The following GPATCH2L variants were observed in gnomAD, a reference collection of about 807,000 sequenced individuals.
GPATCH2L encodes G-patch domain containing 2 like, also known as G patch domain-containing protein 2-like.
A neutral mutation model predicts 57.4 loss-of-function variants in GPATCH2L; 31 were observed. The ratio of observed to expected loss-of-function variants is 0.54; its 90% CI spans 0.41 to 0.73. GPATCH2L has a LOEUF of 0.73. GPATCH2L is among the 30% of genes least tolerant of loss of function. The pLI is 0.00. For synonymous variants in GPATCH2L, 199 were observed against 210.7 expected, an observed-to-expected ratio of 0.94 and a Z score of 0.48; for missense variants, 481 against 599.9, an observed-to-expected ratio of 0.80 and a Z score of 2.07.
chr14:76,215,725 A>T (rs1462623861), downstream of GPATCH2L, among the ~76,000 whole-genome samples: 1 of 131,708 alleles, frequency 7.6e-6, no homozygotes, highest in East Asian at 2.3e-4. Flanking sequence ...ATGAGAACAC[A>T]TGGACACAGG....
Position 76,207,866 on chromosome 14 carries a change from G to T in GPATCH2L, c.*6015G>T, listed in dbSNP as rs1198897404. 6.6e-6 allele frequency: 1 copy of T among 151,998 alleles called. No individual in the cohort carries two copies. The highest frequency in any genetic ancestry group is 1.5e-5 in the Non-Finnish European group (1 of 68,014). 9.4% of individuals were successfully genotyped at this position (151,998 alleles called of 1,614,324 possible). Reference sequence around the variant, plus strand: ...TCTTCATATTTTACCTTTATTAATTGGGCTGGGTCCTAACTGGTTGCCAGA... The same window carrying T: ...TCTTCATATTTTACCTTTATTAATTTGGCTGGGTCCTAACTGGTTGCCAGA... On this transcript the variant is annotated 3_prime_UTR_variant, in exon 10 of 10. Coordinates refer to ENST00000261530, the MANE Select transcript of GPATCH2L (RefSeq NM_017926.4).
chr14:76,219,055 G>A (rs1403663092), downstream of GPATCH2L, among the ~76,000 whole-genome samples: 2 of 145,574 alleles, frequency 1.4e-5, no homozygotes, highest in African/African-American at 5.0e-5. Context: ...GACTGGGGAA[G>A]GCCTTTCTAA....
In GPATCH2L at chr14:76,212,981, G is replaced by A. The variant is rs2040458359; in HGVS notation, c.*11130G>A. 1 of 151,922 alleles carries A rather than the reference G, an allele frequency of 6.6e-6. No homozygotes were observed. Among genetic ancestry groups the A allele is most frequent in the African/African-American group, 2.4e-5 (1 of 41,368 alleles). 9.4% of individuals were successfully genotyped at this position (151,922 alleles called of 1,614,324 possible). A position where few individuals can be genotyped will look rare whatever the true frequency, so the allele number is the denominator to read the frequency against. ...CTAAAATATAAACTTGTTCCTCTGA[G>A]ATACAAATAAAACAGTGCTCAGAGG... On this transcript the variant is annotated 3_prime_UTR_variant, in exon 10 of 10. Transcript: ENST00000261530.
At chr14:76,180,389 A>G (rs1004905334) in intron 7 of GPATCH2L, among the ~76,000 whole-genome samples, 18 of 152,224 alleles carry the variant, frequency 1.2e-4, no homozygotes, top group African/African-American at 3.6e-4. Context: ...GGATAAGGAA[A>G]TGAAAAGGTA....
intron 8 of GPATCH2L, among the ~76,000 whole-genome samples, chr14:76,186,042 A>G (rs1460368593): frequency 1.3e-5 from 2 of 152,178 alleles, no homozygotes; most frequent in African/African-American, 4.8e-5. Flanking sequence ...CCAAAATGAA[A>G]TAATATATGT....
intron 9 of GPATCH2L, among the ~76,000 whole-genome samples, chr14:76,196,826 G>A (rs1461637664): frequency 6.6e-6 from 1 of 152,100 alleles, no homozygotes. Flanking sequence ...CACAGATGGG[G>A]AGGGAGCCCT....
chr14:76,159,383 G>A (rs1171166577), intron 2 of GPATCH2L, among the ~76,000 whole-genome samples: 1 of 152,102 alleles, frequency 6.6e-6, no homozygotes, highest in Non-Finnish European at 1.5e-5. Context: ...TTGTTCAAAG[G>A]CCTCTTGGTA....
chr14:76,172,441 ATAATT>A (rs964843027), intron 4 of GPATCH2L, among the ~76,000 whole-genome samples: 9 of 152,358 alleles, frequency 5.9e-5, no homozygotes, highest in African/African-American at 2.2e-4. Flanking sequence ...TGCTTTTAAA[ATAATT>A]TAAGTAGTTT....
At chr14:76,158,543 A>G (rs1290830894) in intron 2 of GPATCH2L, among the ~76,000 whole-genome samples, 1 of 152,226 alleles carries the variant, frequency 6.6e-6, no homozygotes, top group Non-Finnish European at 1.5e-5. Context: ...GGTGATCAAT[A>G]ACACTCTATA....
intron 2 of GPATCH2L, among the ~76,000 whole-genome samples, chr14:76,231,185 A>G (rs1328208371): frequency 6.6e-6 from 1 of 152,190 alleles, no homozygotes; most frequent in East Asian, 1.9e-4. Flanking sequence ...TGTTTTGTGT[A>G]TAGTATCAAC....
intron 1 of GPATCH2L, among the ~76,000 whole-genome samples, chr14:76,225,895 A>G (rs1426722601): frequency 2.6e-5 from 4 of 152,234 alleles, no homozygotes; most frequent in Admixed American, 6.5e-5. Context: ...TGAAATGCAA[A>G]TTAAAACCCA....
At position 76,154,606 on chromosome 14, in the gene GPATCH2L, G is replaced by A. The variant is rs1039657574; in HGVS notation, c.243G>A (p.Pro81=). 3.7e-6 allele frequency: 6 copies of A among 1,614,096 alleles called. No homozygotes were observed. The African/African-American group carries it at 4.0e-5, about 11-fold the overall frequency. Residue 81 remains proline (P), a synonymous_variant, in exon 2 of 10, where the codon CCG becomes CCA. Coordinates refer to ENST00000261530, the MANE Select transcript of GPATCH2L (RefSeq NM_017926.4). This position sits in a 1 kb window ranked among gnomAD's most constrained non-coding sequence, Gnocchi z 4.4. ...CTAAGGACTGTCGAGAAGTGGCTCC[G>A]GTGACCAATTTTAGTGACTCTGATG... The part of the protein sequence containing the change: ...EATKDCREVA[P]VTNFSDSDDT...
chr14:76,234,719 C>T (rs1481691330), intron 2 of GPATCH2L: 1 of 152,468 alleles, frequency 6.6e-6, no homozygotes, highest in African/African-American at 2.4e-5. Flanking sequence ...TCTGATGAGA[C>T]TGCAGCCCGA....
chr14:76,229,540 T>A (rs1479960335), intron 1 of GPATCH2L, among the ~76,000 whole-genome samples: 1 of 152,174 alleles, frequency 6.6e-6, no homozygotes, highest in South Asian at 2.1e-4. Context: ...TCCCTCCACA[T>A]GTTAATATGG....
intron 2 of GPATCH2L, among the ~76,000 whole-genome samples, chr14:76,159,236 A>G (rs765072267): frequency 7.9e-5 from 12 of 152,216 alleles, no homozygotes; most frequent in Non-Finnish European, 1.6e-4. Flanking sequence ...ACTTCCCACC[A>G]TTGTAATGTC....
intron 2 of GPATCH2L, among the ~76,000 whole-genome samples, chr14:76,233,381 G>T (rs1473217838): frequency 6.6e-6 from 1 of 152,144 alleles, no homozygotes; most frequent in Non-Finnish European, 1.5e-5. Flanking sequence ...CAAAGTGGTG[G>T]TTTCAAATGA....
rs1379618877 is a variant in GPATCH2L, at chr14:76,203,957, C to G, written c.*2106C>G. 1.3e-5 allele frequency: 2 copies of G among 152,132 alleles called. No homozygotes were observed. Among genetic ancestry groups the G allele is most frequent in the African/African-American group, 2.4e-5 (1 of 41,410 alleles). The allele number at this position is 152,132 out of a possible 1,614,324, so 9.4% of individuals were successfully genotyped here. On this transcript the variant is annotated 3_prime_UTR_variant, in exon 10 of 10. Transcript: ENST00000261530. Reference sequence around the variant, plus strand: ...AAAGGTCAGGTGGCCAAGGTGTTCCCACATTTTTTCTATATAACTTGTTTC... The same window carrying G: ...AAAGGTCAGGTGGCCAAGGTGTTCCGACATTTTTTCTATATAACTTGTTTC...
chr14:76,194,513 A>G (rs4899586), intron 8 of GPATCH2L, among the ~76,000 whole-genome samples: 119,749 of 151,914 alleles, frequency 0.79, 47,793 homozygotes, highest in South Asian at 0.88. Context: ...GTGCACGCTC[A>G]TGCTTGCGTG....
In GPATCH2L at chr14:76,180,823, G is replaced by T; in HGVS notation, c.1167G>T (p.Arg389Ser). Reference sequence around the variant, plus strand: ...TTCTTGCCGATGCTTCTCACCGAAGGTGTTCACCAGCACACTGCTCTGCCA... The same window carrying T: ...TTCTTGCCGATGCTTCTCACCGAAGTTGTTCACCAGCACACTGCTCTGCCA... ...LDVLADASHR[R>S]CSPAHCSARQ... Residue 389 changes from arginine to serine, a missense_variant, in exon 8 of 10, where the codon AGG becomes AGT. By Grantham distance (110) the Arg-to-Ser change is moderately radical (BLOSUM62 -1). Transcript: ENST00000261530. 2 of 1,612,412 alleles carry T rather than the reference G, an allele frequency of 1.2e-6. No homozygotes were observed. The highest frequency in any genetic ancestry group is 3.3e-5 in the Admixed American group (2 of 60,026).
Sources: allele counts gnomAD v4.1 joint callset (sites outside exome capture counted in the v4.1 genomes callset), GRCh38; gene constraint gnomAD v4.1.1; non-coding constraint Gnocchi (gnomAD v3.1); transcripts MANE v1.5; gene names NCBI Gene and HGNC (gene_info 2026-07-23, HGNC 2026-07-21).